The following ARL15 variants were observed in gnomAD, a reference collection of about 807,000 sequenced individuals.
ARL15 encodes ADP-ribosylation factor-like protein 15.
In ARL15, 19 loss-of-function variants were observed where a neutral mutation model predicts 25.2. The observed-to-expected ratio is 0.75, with a 90% CI of 0.53 to 1.10. The LOEUF is 1.10. ARL15 is among the 50% of genes least tolerant of loss of function. ARL15 has a pLI of 0.00. For synonymous variants in ARL15, 94 were observed against 86.8 expected (o/e 1.08, Z -0.46); for missense variants, 220 against 246.0 (o/e 0.89, Z 0.71).
intron 1 of ARL15, among the ~76,000 whole-genome samples, chr5:54,219,793 G>A (rs146457099): frequency 2.0e-4 from 30 of 152,306 alleles, no homozygotes; most frequent in Non-Finnish European, 1.0e-4. Context: ...TCACAGAAAT[G>A]TTGTGGCTAA....
chr5:53,974,623 A>C (rs1747871392), intron 4 of ARL15, among the ~76,000 whole-genome samples: 1 of 152,210 alleles, frequency 6.6e-6, no homozygotes, highest in Admixed American at 6.5e-5. Flanking sequence ...TGTGTATTTC[A>C]ATCACTTGAC....
chr5:53,904,094 T>C (rs1164582198), intron 4 of ARL15, among the ~76,000 whole-genome samples: 1 of 152,130 alleles, frequency 6.6e-6, no homozygotes, highest in Non-Finnish European at 1.5e-5. Flanking sequence ...TAAGGACAAA[T>C]CTATAGTTGG....
intron 4 of ARL15, among the ~76,000 whole-genome samples, chr5:53,905,961 T>C (rs1458539593): frequency 6.6e-6 from 1 of 152,172 alleles, no homozygotes; most frequent in Non-Finnish European, 1.5e-5. Context: ...GTTTGTAAAT[T>C]TTAGGTGCCT....
rs1173336376 is a variant in ARL15, at chr5:53,884,528, A to T, written c.*2033T>A. 6 of 152,132 alleles carry T rather than the reference A, an allele frequency of 3.9e-5. No individual in the cohort carries two copies. The highest frequency in any genetic ancestry group is 1.4e-4 in the African/African-American group (6 of 41,390). The allele number at this position is 152,132 out of a possible 1,614,324, so 9.4% of individuals were successfully genotyped here. A position where few individuals can be genotyped will look rare whatever the true frequency, so the allele number is the denominator to read the frequency against. ...TAGACAAAGAGGGAGCCTTATTGAC[A>T]GTTGTAAAGCATTAGGCGTCAGACA... On this transcript the variant is annotated 3_prime_UTR_variant, in exon 5 of 5. Transcript: ENST00000504924.
intron 1 of ARL15, among the ~76,000 whole-genome samples, chr5:54,212,768 G>A (rs1756080705): frequency 6.6e-6 from 1 of 152,162 alleles, no homozygotes; most frequent in Non-Finnish European, 1.5e-5. Flanking sequence ...AAGCATGTTT[G>A]GTGGTAGGGG....
At chr5:54,229,501 GAAATA>G (rs1383116975) in intron 1 of ARL15, among the ~76,000 whole-genome samples, 1 of 152,092 alleles carries the variant, frequency 6.6e-6, no homozygotes, top group Non-Finnish European at 1.5e-5. Context: ...GGTATAAAAT[GAAATA>G]AAATAGAGTT....
chr5:54,218,769 C>T (rs527332458), intron 1 of ARL15, among the ~76,000 whole-genome samples: 7 of 152,210 alleles, frequency 4.6e-5, no homozygotes, highest in African/African-American at 2.4e-5. Context: ...CAAGTAGATG[C>T]TTTACACAAG....
chr5:53,886,801 T>C, intron 4 of ARL15, 88 bp from the exon 5 acceptor site: 1 of 1,268,986 alleles, frequency 7.9e-7, no homozygotes, highest in Non-Finnish European at 1.1e-6. Flanking sequence ...AGTAGGGGAA[T>C]TTCGAGGCGG....
intron 1 of ARL15, among the ~76,000 whole-genome samples, chr5:54,253,326 T>G (rs1175184264): frequency 6.6e-6 from 1 of 152,004 alleles, no homozygotes; most frequent in African/African-American, 2.4e-5. Flanking sequence ...AATAATGGAT[T>G]ATGAAGCTGG....
chr5:54,111,485 G>A (rs1752738562), intron 4 of ARL15, among the ~76,000 whole-genome samples: 1 of 152,006 alleles, frequency 6.6e-6, no homozygotes, highest in South Asian at 2.1e-4. Flanking sequence ...TCATTCCTAT[G>A]GAGGGTAACC....
At chr5:53,950,634 A>G (rs788513) in intron 4 of ARL15, among the ~76,000 whole-genome samples, 114,232 of 152,024 alleles carry the variant, frequency 0.75, 42,996 homozygotes, top group Middle Eastern at 0.86. Flanking sequence ...CTACTTTTAT[A>G]CACACAATAA....
At chr5:54,145,363 G>A (rs1337910941) in intron 3 of ARL15, among the ~76,000 whole-genome samples, 1 of 152,136 alleles carries the variant, frequency 6.6e-6, no homozygotes, top group South Asian at 2.1e-4. Flanking sequence ...GAAATTAAAT[G>A]CAACAAATTT....
At chr5:54,104,506 A>G (rs1752534172) in intron 4 of ARL15, among the ~76,000 whole-genome samples, 1 of 152,168 alleles carries the variant, frequency 6.6e-6, no homozygotes, top group Non-Finnish European at 1.5e-5. Context: ...AGAATAATCT[A>G]AAGACTCCTC....
chr5:54,097,761 G>A lies in ARL15; in HGVS notation c.462+15441C>T, dbSNP rs368607936. On this transcript the variant is annotated intron_variant, in intron 4 of 4. Transcript: ENST00000504924. ...TAAAATATACTCATTTAAGCTTAAG[G>A]TGGAGGAAGGAAGAACTTTAAAACC... 2.1e-4 allele frequency among the ~76,000 whole-genome samples: 32 copies of A among 152,276 alleles called. No homozygotes were observed. The South Asian group carries it at 6.6e-3, about 32-fold the overall frequency.
At chr5:54,236,219 T>C (rs1216422670) in intron 1 of ARL15, among the ~76,000 whole-genome samples, 1 of 152,222 alleles carries the variant, frequency 6.6e-6, no homozygotes, top group African/African-American at 2.4e-5. Context: ...TGTTCCTTTT[T>C]AAACTCTCAA....
At chr5:54,025,503 C>T (rs774480639) in intron 4 of ARL15, among the ~76,000 whole-genome samples, 1 of 152,122 alleles carries the variant, frequency 6.6e-6, no homozygotes, top group Non-Finnish European at 1.5e-5. Flanking sequence ...ATCACATTTT[C>T]ATGAACAAGA....
intron 3 of ARL15, among the ~76,000 whole-genome samples, chr5:54,134,469 A>G: frequency 6.6e-6 from 1 of 150,476 alleles, no homozygotes; most frequent in Non-Finnish European, 1.5e-5. Flanking sequence ...AGCACTTCAC[A>G]CGTAACTCTA....
At chr5:54,204,494 T>C (rs1755810596) in intron 1 of ARL15, among the ~76,000 whole-genome samples, 1 of 152,218 alleles carries the variant, frequency 6.6e-6, no homozygotes, top group Non-Finnish European at 1.5e-5. Flanking sequence ...TGTACCTATA[T>C]TGCCTAAATA....
chr5:54,294,294 CCTAT>C (rs1477343976), intron 1 of ARL15, among the ~76,000 whole-genome samples: 1 of 152,174 alleles, frequency 6.6e-6, no homozygotes, highest in Non-Finnish European at 1.5e-5. Context: ...CAGCCATCTG[CCTAT>C]CTATTATCTA....
Sources: gnomAD v4.1 joint callset for allele counts (sites outside exome capture counted in the v4.1 genomes callset) on GRCh38, gnomAD v4.1.1 for gene constraint, MANE v1.5 for transcripts, NCBI Gene and HGNC (gene_info 2026-07-23, HGNC 2026-07-21) for gene names.